ADGRV1: variants seen among roughly 807,000 people sequenced by gnomAD.
ADGRV1 encodes the protein G-protein coupled receptor 98.
A neutral mutation model predicts 596.2 loss-of-function variants in ADGRV1; 359 were observed. The ratio of observed to expected loss-of-function variants is 0.60; its 90% confidence interval spans 0.55 to 0.66. The LOEUF is 0.66. Among genes scored for constraint, ADGRV1 ranks in the 30% least tolerant of loss-of-function variants. ADGRV1 has a pLI of 0.00. For synonymous variants in ADGRV1, 2,681 were observed against 2,679.2 expected (o/e 1.00, Z -0.02); for missense variants, 7,274 against 7,575.6 (o/e 0.96, Z 1.48).
At chr5:90,909,031 G>A (rs925224566) in intron 83 of ADGRV1, among the ~76,000 whole-genome samples, 7 of 152,168 alleles carry the variant, frequency 4.6e-5, no homozygotes, top group Non-Finnish European at 8.8e-5. Flanking sequence ...AACAACCTCT[G>A]AAGAGAGTAA....
intron 50 of ADGRV1, among the ~76,000 whole-genome samples, chr5:90,741,674 A>G (rs1753980296): frequency 6.6e-6 from 1 of 152,220 alleles, no homozygotes; most frequent in South Asian, 2.1e-4. Context: ...AGAATTTGCA[A>G]AAAATTCTGC....
At chr5:90,933,090 TA>T (rs777647664) in intron 83 of ADGRV1, among the ~76,000 whole-genome samples, 1 of 152,228 alleles carries the variant, frequency 6.6e-6, no homozygotes, top group Non-Finnish European at 1.5e-5. Context: ...TCAAATTTTT[TA>T]ATCTCAGAGC....
intron 14 of ADGRV1, 81 bp from the exon 15 acceptor site, chr5:90,644,625 T>A (rs1767462292): frequency 9.0e-7 from 1 of 1,110,814 alleles, no homozygotes; most frequent in African/African-American, 1.6e-5. Flanking sequence ...TTTATTTTTG[T>A]TTATTTAACC....
intron 53 of ADGRV1, among the ~76,000 whole-genome samples, chr5:90,751,378 G>A (rs1273012594): frequency 1.3e-5 from 2 of 152,144 alleles, no homozygotes; most frequent in African/African-American, 2.4e-5. Context: ...GTATAACCTT[G>A]AGTGAGACAG....
Position 90,711,000 on chromosome 5 carries a change from A to G in ADGRV1, c.8844A>G (p.Ala2948=), listed in dbSNP as rs749442349. ...PPRLDSEGLT[A]QVIIDANDGA... ...TTTAAGATTCAGAAGGTTTGACTGC[A>G]CAAGTTATTATTGATGCCAATGATG... Residue 2948 remains alanine (A), a synonymous_variant, in exon 40 of 90, where the codon GCA becomes GCG. Transcript: ENST00000405460. The G allele has an allele frequency of 3.1e-6, 5 of 1,609,058 alleles. No individual in the cohort carries two copies. The highest frequency in any genetic ancestry group is 4.2e-6 in the Non-Finnish European group (5 of 1,176,590).
At chr5:90,735,681 A>G (rs1022782541) in intron 50 of ADGRV1, among the ~76,000 whole-genome samples, 7 of 151,624 alleles carry the variant, frequency 4.6e-5, no homozygotes, top group Non-Finnish European at 1.0e-4. Flanking sequence ...GTTTTTTTCT[A>G]TTTCTTTCAT....
At chr5:90,766,335 C>T (rs1757145996) in intron 59 of ADGRV1, among the ~76,000 whole-genome samples, 1 of 152,064 alleles carries the variant, frequency 6.6e-6, no homozygotes, top group Admixed American at 6.5e-5. Context: ...GATATCATCC[C>T]CAGCTGCACC....
Position 91,117,605 on chromosome 5 carries a change from G to A in ADGRV1, c.18432+15265G>A, listed in dbSNP as rs1485266479. Among the ~76,000 whole-genome samples the A allele has an allele frequency of 4.6e-5, 7 of 152,170 alleles. No homozygotes were observed. In the East Asian group the frequency reaches 5.8e-4, roughly 13 times the overall value. On this transcript the variant is annotated intron_variant, in intron 87 of 89. Coordinates refer to ENST00000405460, the MANE Select transcript of ADGRV1 (RefSeq NM_032119.4). ...CAGTTTCTTCATCATGCACTGCAAC[G>A]CTGAAAGAAGAGTACCTTTTGTATT...
intron 50 of ADGRV1, among the ~76,000 whole-genome samples, chr5:90,741,143 C>A (rs1279051714): frequency 6.6e-6 from 1 of 151,942 alleles, no homozygotes; most frequent in African/African-American, 2.4e-5. Flanking sequence ...TTTTCTACTC[C>A]TTCCTCCTCA....
rs190513412 is a variant in ADGRV1, at chr5:90,743,703, C to T, written c.10550-1343C>T. ...AGCCAGGATGGTCTCGATCTCCCGA[C>T]CTCGTGATCTTCCTGCCTCTGCCTC... On this transcript the variant is annotated intron_variant, in intron 50 of 89. Transcript: ENST00000405460. Among the ~76,000 whole-genome samples, 1,055 of 152,124 alleles carry T rather than the reference C, an allele frequency of 6.9e-3. 7 individuals are homozygous for T. Among genetic ancestry groups the T allele is most frequent in the African/African-American group, 0.024 (976 of 41,512 alleles).
chr5:90,627,960 A>ACACG, intron 7 of ADGRV1, 184 bp downstream of exon 7: 2 of 394,188 alleles, frequency 5.1e-6, no homozygotes, highest in Non-Finnish European at 9.0e-6. Flanking sequence ...ACACACACAC[A>ACACG]CAAGAATATG....
chr5:90,678,308 T>G (rs1262900307), intron 25 of ADGRV1, among the ~76,000 whole-genome samples: 1 of 152,090 alleles, frequency 6.6e-6, no homozygotes, highest in Non-Finnish European at 1.5e-5. Flanking sequence ...TTTTTTCTAT[T>G]GCTGTCATCA....
intron 75 of ADGRV1, among the ~76,000 whole-genome samples, chr5:90,816,508 C>T (rs1581213043): frequency 6.6e-6 from 1 of 150,764 alleles, no homozygotes; most frequent in East Asian, 2.0e-4. Flanking sequence ...TGTGCTGCAC[C>T]CATTAACTCA....
At chr5:90,618,912 A>C (rs1179131796) in intron 3 of ADGRV1, among the ~76,000 whole-genome samples, 174 bp from the exon 4 acceptor site, 1 of 152,050 alleles carries the variant, frequency 6.6e-6, no homozygotes, top group Non-Finnish European at 1.5e-5. Context: ...TTCATTTGGA[A>C]CTTCTTAACC....
chr5:90,841,028 G>T, intron 78 of ADGRV1, 43 bp downstream of exon 78: 1 of 1,391,250 alleles, frequency 7.2e-7, no homozygotes, highest in Non-Finnish European at 9.4e-7. Context: ...GTGAAATTTT[G>T]TAAATTTAAA....
chr5:90,955,142 C>T (rs550309896), intron 83 of ADGRV1, among the ~76,000 whole-genome samples: 9 of 152,252 alleles, frequency 5.9e-5, no homozygotes, highest in Admixed American at 5.9e-4. Flanking sequence ...GACACCAGAT[C>T]TTCTGGCACT....
In ADGRV1 at chr5:90,912,098, G is replaced by A. The variant is rs139045612; in HGVS notation, c.17856+48241G>A. Among the ~76,000 whole-genome samples, 316 of 152,086 alleles carry A rather than the reference G, an allele frequency of 2.1e-3. 1 individual carries two copies. The highest frequency in any genetic ancestry group is 6.6e-3 in the African/African-American group (274 of 41,474). The stretch of plus-strand genomic sequence containing the variant: ...TTTCCTAACAAGGTGCTTGGTAAGC[G>A]GTAAGTACTTCATGAATATGAGCTG... On this transcript the variant is annotated intron_variant, in intron 83 of 89. Coordinates refer to ENST00000405460, the MANE Select transcript of ADGRV1 (RefSeq NM_032119.4).
At chr5:91,130,107 GA>G (rs1307069838) in intron 87 of ADGRV1, among the ~76,000 whole-genome samples, 1 of 150,872 alleles carries the variant, frequency 6.6e-6, no homozygotes, top group Non-Finnish European at 1.5e-5. Flanking sequence ...AACAAAATAT[GA>G]AAAAAATGCT....
At position 91,163,858 on chromosome 5, in the gene ADGRV1, C is replaced by T. The variant is rs372350188; in HGVS notation, c.18879C>T (p.Ile6293=). 1.7e-4 allele frequency: 267 copies of T among 1,605,458 alleles called. No homozygotes were observed. Among genetic ancestry groups the T allele is most frequent in the Non-Finnish European group, 2.0e-4 (235 of 1,173,772 alleles). ...GGGGCACCTTGACTGACTCCCAGAT[C>T]GTGGAGCTCAGGAGGATACCCATCG... ...QEGGTLTDSQ[I]VELRRIPIAD... is the part of the protein sequence containing the mutation. Residue 6293 remains isoleucine, a synonymous_variant, in exon 90 of 90, where the codon ATC becomes ATT. Coordinates refer to ENST00000405460, the MANE Select transcript of ADGRV1 (RefSeq NM_032119.4).
Sources: allele counts gnomAD v4.1 joint callset (sites outside exome capture counted in the v4.1 genomes callset), GRCh38; gene constraint gnomAD v4.1.1; transcripts MANE v1.5; gene names NCBI Gene and HGNC (gene_info 2026-07-23, HGNC 2026-07-21).